NEIL3: variants seen among roughly 807,000 people sequenced by gnomAD.
NEIL3 encodes endonuclease 8-like 3.
A neutral mutation model predicts 57.5 loss-of-function variants in NEIL3; 48 were observed. The ratio of observed to expected loss-of-function variants is 0.83; its 90% CI spans 0.66 to 1.06. NEIL3 has a LOEUF of 1.06. NEIL3 is among the 50% of genes least tolerant of loss of function. NEIL3 has a pLI of 0.00. For synonymous variants in NEIL3, 261 were observed against 253.2 expected, an observed-to-expected ratio of 1.03 and a Z score of -0.29; for missense variants, 717 against 739.1, an observed-to-expected ratio of 0.97 and a Z score of 0.35.
At chr4:177,314,914 A>G (rs1578984809) in intron 1 of NEIL3, among the ~76,000 whole-genome samples, 2 of 125,614 alleles carry the variant, frequency 1.6e-5, no homozygotes. Context: ...CGTATCTACT[A>G]AAAATACAAA....
intron 5 of NEIL3, among the ~76,000 whole-genome samples, chr4:177,340,522 G>T (rs145155988): frequency 1.3e-5 from 2 of 152,086 alleles, no homozygotes; most frequent in Non-Finnish European, 2.9e-5. Flanking sequence ...CAGAAAGTCA[G>T]GTATTGTAGT....
intron 6 of NEIL3, among the ~76,000 whole-genome samples, chr4:177,347,223 A>G (rs115214296): frequency 0.011 from 1,746 of 152,150 alleles, 16 homozygotes; most frequent in Non-Finnish European, 0.018. Flanking sequence ...GAAATATTTC[A>G]AAGAAGGTAG....
chr4:177,321,936 C>T (rs1245354751), intron 1 of NEIL3, among the ~76,000 whole-genome samples: 1 of 152,208 alleles, frequency 6.6e-6, no homozygotes, highest in Non-Finnish European at 1.5e-5. Flanking sequence ...TCCCTACTAC[C>T]TCTCAGGGTT....
chr4:177,330,093 G>A (rs1734853537), intron 2 of NEIL3, among the ~76,000 whole-genome samples: 1 of 152,008 alleles, frequency 6.6e-6, no homozygotes, highest in African/African-American at 2.4e-5. Flanking sequence ...TATATTTTTA[G>A]TGGAGACGGC....
At chr4:177,351,234 A>AAAAAAAAAAAC (rs1735343439) in intron 6 of NEIL3, 146 bp from the exon 7 acceptor site, 1 of 286,566 alleles carries the variant, frequency 3.5e-6, no homozygotes, top group African/African-American at 2.5e-5. Context: ...AAAAAAAAAA[A>AAAAAAAAAAAC]AAAAGACTCT....
chr4:177,332,448 C>T (rs542004268), intron 2 of NEIL3, among the ~76,000 whole-genome samples: 1 of 152,186 alleles, frequency 6.6e-6, no homozygotes, highest in South Asian at 2.1e-4. Flanking sequence ...ATTGTTTGGG[C>T]AGAGGAAGTT....
At chr4:177,352,505 G>C (rs1735377147) in intron 7 of NEIL3, among the ~76,000 whole-genome samples, 1 of 152,058 alleles carries the variant, frequency 6.6e-6, no homozygotes, top group Non-Finnish European at 1.5e-5. Context: ...CAAAATCCTA[G>C]GATACTCTGT....
rs1167726741 is a variant in NEIL3, at chr4:177,316,764, A to T, written c.157-5695A>T. Among the ~76,000 whole-genome samples, 5 of 152,180 alleles carry T rather than the reference A, an allele frequency of 3.3e-5. No homozygotes were observed. In the East Asian group the frequency reaches 9.6e-4, roughly 29 times the overall value. On this transcript the variant is annotated intron_variant, in intron 1 of 9. Transcript: ENST00000264596. ...GTTACTGTCCCCAGAGAGCTTATAGACAGGGGAGAAATGCAAGTCACAGAC... is the reference window on the plus strand; with the variant it reads ...GTTACTGTCCCCAGAGAGCTTATAGTCAGGGGAGAAATGCAAGTCACAGAC...
chr4:177,341,724 A>G (rs1735096791), intron 6 of NEIL3, 82 bp downstream of exon 6: 4 of 1,169,038 alleles, frequency 3.4e-6, no homozygotes, highest in Admixed American at 5.1e-5. Context: ...TAACTGAATA[A>G]CTGTCAGGCT....
At chr4:177,337,874 G>A (rs888351302) in intron 4 of NEIL3, among the ~76,000 whole-genome samples, 1 of 152,098 alleles carries the variant, frequency 6.6e-6, no homozygotes, top group Non-Finnish European at 1.5e-5. Context: ...CAAAAATGAG[G>A]TGGGCGTAGT....
At chr4:177,343,190 G>A (rs1307032289) in intron 6 of NEIL3, 2 of 152,154 alleles carry the variant, frequency 1.3e-5, no homozygotes, top group Non-Finnish European at 2.9e-5. Context: ...GGGAAAATTG[G>A]GATGCAGCAG....
chr4:177,364,843 G>A (rs6840418), downstream of NEIL3, among the ~76,000 whole-genome samples: 11,361 of 151,626 alleles, frequency 0.075, 556 homozygotes, highest in South Asian at 0.17. Context: ...CAGTAGAATC[G>A]CTTGAACCTG....
intron 6 of NEIL3, among the ~76,000 whole-genome samples, chr4:177,345,366 G>C (rs1201851933): frequency 6.6e-6 from 1 of 152,146 alleles, no homozygotes; most frequent in Non-Finnish European, 1.5e-5. Context: ...TGTTCCTTCA[G>C]GAGCACATAT....
At chr4:177,352,874 C>G (rs1735388821) in intron 7 of NEIL3, among the ~76,000 whole-genome samples, 1 of 151,850 alleles carries the variant, frequency 6.6e-6, no homozygotes, top group African/African-American at 2.4e-5. Context: ...TTCATCTTTA[C>G]TTATTTTAAA....
At chr4:177,311,869 A>G (rs1734483199) in intron 1 of NEIL3, among the ~76,000 whole-genome samples, 1 of 152,058 alleles carries the variant, frequency 6.6e-6, no homozygotes, top group Admixed American at 6.5e-5. Context: ...GAGAATCACT[A>G]TGATGGGAGG....
intron 5 of NEIL3, 122 bp from the exon 6 acceptor site, chr4:177,341,354 G>A (rs922739983): frequency 2.3e-5 from 16 of 707,884 alleles, no homozygotes; most frequent in Non-Finnish European, 9.1e-6. Context: ...ATTGACATAT[G>A]TACAAACATA....
chr4:177,364,295 C>T (rs760185102), downstream of NEIL3, among the ~76,000 whole-genome samples: 14 of 152,060 alleles, frequency 9.2e-5, no homozygotes, highest in Non-Finnish European at 1.3e-4. Flanking sequence ...TCAAAAGCAC[C>T]GCTGGAGAGT....
chr4:177,363,532 G>C (rs1735651020), downstream of NEIL3, among the ~76,000 whole-genome samples: 1 of 152,136 alleles, frequency 6.6e-6, no homozygotes, highest in African/African-American at 2.4e-5. Flanking sequence ...GACAATCTTA[G>C]CTGCACTGAT....
the NEIL3 span, among the ~76,000 whole-genome samples, chr4:177,369,908 CT>C: frequency 6.6e-6 from 1 of 152,118 alleles, no homozygotes; most frequent in Non-Finnish European, 1.5e-5. Flanking sequence ...ATTTTATTAT[CT>C]TTATCAGTAA....
Sources: gnomAD v4.1 joint callset for allele counts (sites outside exome capture counted in the v4.1 genomes callset) on GRCh38, gnomAD v4.1.1 for gene constraint, MANE v1.5 for transcripts, NCBI Gene and HGNC (gene_info 2026-07-23, HGNC 2026-07-21) for gene names.